Variants in UPP2 observed in about 807,000 individuals in gnomAD.
The protein encoded by UPP2 is UPase 2.
Under a neutral mutation model 26.7 loss-of-function variants are expected in UPP2, and 23 were observed. That is an observed-to-expected ratio of 0.86 (90% CI 0.62 to 1.22). UPP2 has a LOEUF of 1.22. Ranked by LOEUF, UPP2 falls within the 50% of genes most tolerant of loss-of-function variation. The pLI, the probability that UPP2 is intolerant of heterozygous loss-of-function variation, is 0.00. For synonymous variants in UPP2, 127 were observed against 141.3 expected (o/e 0.90, Z 0.72); for missense variants, 387 against 396.7 (o/e 0.98, Z 0.21).
intron 6 of UPP2, among the ~76,000 whole-genome samples, chr2:158,132,603 G>A (rs1255644997): frequency 9.2e-5 from 14 of 152,144 alleles, no homozygotes; most frequent in Non-Finnish European, 1.6e-4. Flanking sequence ...GTGGAGAAAC[G>A]CATGGAGAAA....
chr2:158,063,594 T>C (rs1682386687), intron 3 of UPP2, among the ~76,000 whole-genome samples: 1 of 63,746 alleles, frequency 1.6e-5, no homozygotes, highest in Non-Finnish European at 2.8e-5. Context: ...GGCCACCATT[T>C]TCTTTTCTTT....
chr2:158,105,443 T>C (rs1355811479), intron 1 of UPP2, among the ~76,000 whole-genome samples: 1 of 152,144 alleles, frequency 6.6e-6, no homozygotes, highest in Non-Finnish European at 1.5e-5. Context: ...CAAAGTGTTG[T>C]CCATAGACCA....
chr2:158,110,900 G>A (rs1177632307), intron 2 of UPP2, among the ~76,000 whole-genome samples: 3 of 152,084 alleles, frequency 2.0e-5, no homozygotes, highest in Non-Finnish European at 2.9e-5. Context: ...TGCAGATTCT[G>A]GATATTAGCC....
chr2:158,126,667 C>T (rs1683700853), intron 6 of UPP2: 2 of 152,186 alleles, frequency 1.3e-5, no homozygotes, highest in Admixed American at 1.3e-4. Flanking sequence ...TGATTTTAAC[C>T]CATTTATAAC....
intron 3 of UPP2, among the ~76,000 whole-genome samples, chr2:158,069,020 T>C (rs1382939442): frequency 2.7e-5 from 4 of 150,880 alleles, no homozygotes; most frequent in African/African-American, 9.7e-5. Flanking sequence ...GGTTTCACTG[T>C]GTTAGCCAGG....
upstream of UPP2, among the ~76,000 whole-genome samples, chr2:158,100,951 G>A (rs1363074495): frequency 1.3e-5 from 2 of 152,190 alleles, no homozygotes; most frequent in Non-Finnish European, 2.9e-5. Flanking sequence ...CCAGGAAGAG[G>A]AGCATCTTCT....
chr2:158,005,181 C>T (rs1043201254), intron 2 of UPP2, among the ~76,000 whole-genome samples: 9 of 152,196 alleles, frequency 5.9e-5, no homozygotes, highest in African/African-American at 1.9e-4. Flanking sequence ...TTGTCACCTA[C>T]CCTGCAGCCC....
chr2:158,033,328 GCTTACAGATGCT>G lies in UPP2; in HGVS notation c.147+17445_147+17456del, dbSNP rs1683952747. ...ACACTAGAGCCCTGGCGGCAAAAAGGCTTACAGATGCTCTCACACTCACCTACTCTCCTGCTT... is the reference window on the plus strand; with the variant it reads ...ACACTAGAGCCCTGGCGGCAAAAAGGCTCACACTCACCTACTCTCCTGCTT... On this transcript the variant is annotated intron_variant, in intron 3 of 9. Transcript: ENST00000605860. 2.6e-5 allele frequency among the ~76,000 whole-genome samples: 4 copies of G among 152,154 alleles called. 1 individual carries two copies. In the South Asian group the frequency reaches 8.3e-4, roughly 32 times the overall value.
chr2:157,998,762 C>T (rs189027444), intron 2 of UPP2, among the ~76,000 whole-genome samples: 13 of 152,132 alleles, frequency 8.5e-5, no homozygotes, highest in African/African-American at 1.7e-4. Flanking sequence ...GAGATTGCAC[C>T]GCTGCACTGC....
At chr2:158,088,246 A>C (rs1026190689) in intron 3 of UPP2, among the ~76,000 whole-genome samples, 1 of 152,090 alleles carries the variant, frequency 6.6e-6, no homozygotes, top group African/African-American at 2.4e-5. Flanking sequence ...CGAGCTCTGA[A>C]GTTCTTTATT....
intron 3 of UPP2, among the ~76,000 whole-genome samples, chr2:158,075,093 T>A (rs570748341): frequency 6.6e-6 from 1 of 152,042 alleles, no homozygotes; most frequent in African/African-American, 2.4e-5. Context: ...TAAATATATA[T>A]GCACCCAAAA....
rs189502528 is a variant in UPP2, at chr2:158,008,921, T to G, written c.62-6880T>G. 9.2e-5 allele frequency among the ~76,000 whole-genome samples: 14 copies of G among 152,310 alleles called. No homozygotes were observed. The East Asian group carries it at 2.7e-3, about 29-fold the overall frequency. On this transcript the variant is annotated intron_variant, in intron 2 of 9. Transcript: ENST00000605860. ...AAGAGTCTTTAAAAGGTATTTGTTG[T>G]TTAATTGGTGGCAGCTGTTCCTTAG...
chr2:158,104,802 A>G (rs1410744608), intron 1 of UPP2, among the ~76,000 whole-genome samples: 1 of 151,790 alleles, frequency 6.6e-6, no homozygotes. Context: ...GGCACCTGTA[A>G]TCCTGGATAC....
chr2:158,092,245 G>A (rs933411000), intron 3 of UPP2, among the ~76,000 whole-genome samples: 2 of 152,052 alleles, frequency 1.3e-5, no homozygotes, highest in African/African-American at 4.8e-5. Context: ...TTCATAATTT[G>A]GAAGCACAGT....
At chr2:158,082,984 T>C (rs1380887906) in intron 3 of UPP2, among the ~76,000 whole-genome samples, 1 of 152,164 alleles carries the variant, frequency 6.6e-6, no homozygotes, top group Non-Finnish European at 1.5e-5. Flanking sequence ...ATTAGAGAAA[T>C]TCAAATCAAA....
At chr2:158,069,886 C>CT (rs1435694378) in intron 3 of UPP2, among the ~76,000 whole-genome samples, 2 of 152,166 alleles carry the variant, frequency 1.3e-5, no homozygotes, top group Non-Finnish European at 2.9e-5. Context: ...TAAAGGCCTT[C>CT]TTCCAACAAG....
chr2:158,057,426 C>A (rs963908610), intron 3 of UPP2, among the ~76,000 whole-genome samples: 3 of 152,180 alleles, frequency 2.0e-5, no homozygotes, highest in African/African-American at 7.2e-5. Flanking sequence ...AGCATGACCT[C>A]ATGGATATTT....
intron 3 of UPP2, among the ~76,000 whole-genome samples, chr2:158,024,897 G>A (rs7589538): frequency 1.9e-3 from 286 of 152,160 alleles, no homozygotes; most frequent in African/African-American, 6.5e-3. Context: ...TTTTATTGGT[G>A]CATAATCAAG....
chr2:158,134,756 G>T lies in UPP2; in HGVS notation c.820G>T (p.Val274Phe), dbSNP rs1481368453. The change falls in exon 7 of 7, where the codon GTC becomes TTC. Residue 274 changes from valine (V) to phenylalanine (F), a missense_variant. Physicochemically the swap from Val to Phe is conservative, Grantham distance 50. Transcript: ENST00000005756. ...CGLCGLKAAV[V>F]CVTLLDRLDC... ...GCTAATTGCTCTTCTAGCTGCTGTGGTCTGTGTGACACTTCTCGACAGACT... is the reference window on the plus strand; with the variant it reads ...GCTAATTGCTCTTCTAGCTGCTGTGTTCTGTGTGACACTTCTCGACAGACT... The T allele has an allele frequency of 6.2e-7, 1 of 1,607,112 alleles. No individual in the cohort carries two copies. Among genetic ancestry groups the T allele is most frequent in the South Asian group, 1.1e-5 (1 of 90,038 alleles).
Sources: gnomAD v4.1 joint callset for allele counts (sites outside exome capture counted in the v4.1 genomes callset) on GRCh38, gnomAD v4.1.1 for gene constraint, MANE v1.5 for transcripts, NCBI Gene and HGNC (gene_info 2026-07-23, HGNC 2026-07-21) for gene names.